Variants in MACROD2 observed in about 807,000 individuals in gnomAD.
The protein encoded by MACROD2 is ADP-ribose glycohydrolase MACROD2.
MACROD2 carries 36 observed loss-of-function variants against 70.4 expected under a neutral mutation model. The ratio of observed to expected loss-of-function variants is 0.51; its 90% CI spans 0.39 to 0.68. The LOEUF is 0.68. Among genes scored for constraint, MACROD2 ranks in the 30% least tolerant of loss-of-function variants. MACROD2 has a pLI of 0.00. For synonymous variants in MACROD2, 172 were observed against 178.8 expected (o/e 0.96, Z 0.30); for missense variants, 496 against 538.4 (o/e 0.92, Z 0.78).
intron 8 of MACROD2, among the ~76,000 whole-genome samples, chr20:15,646,513 A>G (rs2146785494): frequency 6.6e-6 from 1 of 152,240 alleles, no homozygotes; most frequent in South Asian, 2.1e-4. Context: ...AGGCTTGGAG[A>G]AATTCTCTGG....
chr20:15,111,146 C>T (rs907030968), intron 5 of MACROD2, among the ~76,000 whole-genome samples: 7 of 149,766 alleles, frequency 4.7e-5, no homozygotes, highest in African/African-American at 9.8e-5. Flanking sequence ...TTTTTACTTC[C>T]GTAGTGTTTT....
At chr20:14,411,058 G>A (rs2083743905) in intron 3 of MACROD2, among the ~76,000 whole-genome samples, 1 of 152,144 alleles carries the variant, frequency 6.6e-6, no homozygotes, top group Non-Finnish European at 1.5e-5. Context: ...GGTAGTCCAG[G>A]TTGAGAGAGT....
intron 3 of MACROD2, among the ~76,000 whole-genome samples, chr20:14,141,964 T>C (rs2054881918): frequency 1.3e-5 from 2 of 152,244 alleles, no homozygotes; most frequent in East Asian, 3.9e-4. Context: ...GTTTCAAATA[T>C]TGTCTTTATT....
intron 7 of MACROD2, among the ~76,000 whole-genome samples, chr20:15,451,836 T>C (rs1197568147): frequency 1.3e-5 from 2 of 152,114 alleles, no homozygotes; most frequent in Non-Finnish European, 2.9e-5. Flanking sequence ...GTGGATCCAG[T>C]AAGGCCTTCC....
intron 8 of MACROD2, among the ~76,000 whole-genome samples, chr20:15,859,298 T>C (rs1291513546): frequency 6.6e-6 from 1 of 152,080 alleles, no homozygotes; most frequent in East Asian, 1.9e-4. Flanking sequence ...GAGGCAGGCA[T>C]GATCTGCTTA....
At position 14,310,662 on chromosome 20, in the gene MACROD2, G is replaced by A. The variant is rs138051609; in HGVS notation, c.272-182817G>A. Among the ~76,000 whole-genome samples the A allele has an allele frequency of 1.6e-3, 245 of 151,990 alleles. 1 individual carries two copies. Among genetic ancestry groups the A allele is most frequent in the African/African-American group, 5.8e-3 (242 of 41,458 alleles). The stretch of plus-strand genomic sequence containing the variant: ...TAAGTTAACTGTAAAACAGCCTCAG[G>A]CAGGTCCTTCAGGAGGTATTCCAGA... On this transcript the variant is annotated intron_variant, in intron 3 of 17. Transcript: ENST00000684519.
intron 8 of MACROD2, among the ~76,000 whole-genome samples, chr20:15,686,171 A>G (rs959623714): frequency 6.6e-6 from 1 of 152,226 alleles, no homozygotes; most frequent in African/African-American, 2.4e-5. Flanking sequence ...AATGTGCAAT[A>G]TGCCATAATT....
chr20:14,594,629 C>T (rs963478106), intron 4 of MACROD2, among the ~76,000 whole-genome samples: 1 of 152,212 alleles, frequency 6.6e-6, no homozygotes, highest in Non-Finnish European at 1.5e-5. Flanking sequence ...CGCGGTGGCT[C>T]ACGCCTGTAA....
At chr20:15,763,445 A>G (rs1167562957) in intron 8 of MACROD2, among the ~76,000 whole-genome samples, 1 of 152,218 alleles carries the variant, frequency 6.6e-6, no homozygotes, top group African/African-American at 2.4e-5. Context: ...GCAAGTATAT[A>G]TTCACCACAC....
intron 2 of MACROD2, among the ~76,000 whole-genome samples, chr20:14,060,715 T>C (rs2053682110): frequency 6.6e-6 from 1 of 152,170 alleles, no homozygotes; most frequent in East Asian, 1.9e-4. Flanking sequence ...TCTTGGGTTA[T>C]TGTGACTTAT....
At chr20:15,500,984 T>G (rs2047357524) in intron 8 of MACROD2, among the ~76,000 whole-genome samples, 1 of 152,194 alleles carries the variant, frequency 6.6e-6, no homozygotes, top group African/African-American at 2.4e-5. Context: ...TTATTTTCTT[T>G]TCACAACAAC....
At chr20:15,218,934 T>C (rs1253628735) in intron 5 of MACROD2, among the ~76,000 whole-genome samples, 2 of 152,012 alleles carry the variant, frequency 1.3e-5, no homozygotes, top group African/African-American at 4.8e-5. Flanking sequence ...TAGTCCCAGC[T>C]ACTCAGGAGG....
rs180795764 is a variant in MACROD2 at position 14,032,862 on chromosome 20, A to G, written c.163+30458A>G. On this transcript the variant is annotated intron_variant, in intron 2 of 17. Coordinates refer to ENST00000684519, the MANE Select transcript of MACROD2 (RefSeq NM_001351661.2). ...CAAGAGATTATTGTGAGGATTAAAT[A>G]AATTATTAATTACAAACAGCATATA... Among the ~76,000 whole-genome samples the G allele has an allele frequency of 1.3e-3, 198 of 152,302 alleles. 2 individuals are homozygous for G. The highest frequency in any genetic ancestry group is 0.012 in the Admixed American group (187 of 15,300).
intron 5 of MACROD2, among the ~76,000 whole-genome samples, chr20:14,759,259 T>A (rs1568779824): frequency 6.6e-6 from 1 of 152,112 alleles, no homozygotes; most frequent in East Asian, 1.9e-4. Flanking sequence ...TACCTTATAT[T>A]TGAGTTAATT....
chr20:14,957,510 GCC>G (rs944481057), intron 5 of MACROD2, among the ~76,000 whole-genome samples: 17 of 152,118 alleles, frequency 1.1e-4, no homozygotes, highest in Non-Finnish European at 1.2e-4. Context: ...ACCAGCCACA[GCC>G]CATTCCAGAG....
At chr20:15,112,008 C>G (rs928384063) in intron 5 of MACROD2, among the ~76,000 whole-genome samples, 3 of 152,184 alleles carry the variant, frequency 2.0e-5, no homozygotes, top group Non-Finnish European at 4.4e-5. Flanking sequence ...AAATACACCC[C>G]AGAGTTCACA....
intron 4 of MACROD2, among the ~76,000 whole-genome samples, chr20:14,504,646 G>A (rs191482774): frequency 1.4e-4 from 21 of 152,162 alleles, no homozygotes; most frequent in African/African-American, 5.1e-4. Flanking sequence ...GTTATTTCCT[G>A]GGAATAGAAG....
At chr20:14,060,289 G>A (rs142829073) in intron 2 of MACROD2, among the ~76,000 whole-genome samples, 2 of 152,162 alleles carry the variant, frequency 1.3e-5, no homozygotes, top group African/African-American at 2.4e-5. Flanking sequence ...AAGCCACTTC[G>A]CCATTTACAG....
chr20:14,269,554 C>T (rs1467454796), intron 3 of MACROD2, among the ~76,000 whole-genome samples: 1 of 151,952 alleles, frequency 6.6e-6, no homozygotes, highest in South Asian at 2.1e-4. Context: ...GGGTAAAGAG[C>T]ATATTAGAAA....
Sources: gnomAD v4.1 joint callset for allele counts (sites outside exome capture counted in the v4.1 genomes callset) on GRCh38, gnomAD v4.1.1 for gene constraint, MANE v1.5 for transcripts, NCBI Gene and HGNC (gene_info 2026-07-23, HGNC 2026-07-21) for gene names.